The following TTF1 variants were observed in gnomAD, a reference collection of about 807,000 sequenced individuals.
TTF1 encodes transcription termination factor 1, also known as transcription termination factor, RNA polymerase I.
In TTF1, 64 loss-of-function variants were observed where a neutral mutation model predicts 80.2. That is an observed-to-expected ratio of 0.80 (90% CI 0.65 to 0.98). TTF1 has a LOEUF of 0.98. Among genes scored for constraint, TTF1 ranks in the 50% least tolerant of loss-of-function variants. The pLI is 0.00. For synonymous variants in TTF1, 372 were observed against 382.7 expected (o/e 0.97, Z 0.33); for missense variants, 1,023 against 1,086.2 (o/e 0.94, Z 0.82).
intron 5 of TTF1, among the ~76,000 whole-genome samples, chr9:132,395,170 C>T (rs149047993): frequency 8.6e-5 from 13 of 151,520 alleles, no homozygotes; most frequent in East Asian, 1.9e-4. Context: ...CCAGCCTGGG[C>T]GACAGACTGA....
chr9:132,388,966 G>A (rs1849515745), intron 7 of TTF1, among the ~76,000 whole-genome samples: 1 of 152,204 alleles, frequency 6.6e-6, no homozygotes, highest in African/African-American at 2.4e-5. Flanking sequence ...CACGTTTACA[G>A]GGTTGAAATG....
intron 10 of TTF1, among the ~76,000 whole-genome samples, chr9:132,378,054 T>G (rs1849265207): frequency 1.8e-5 from 2 of 112,636 alleles, no homozygotes; most frequent in Non-Finnish European, 1.8e-5. Context: ...TGAATGCATG[T>G]GGTGTGTGAG....
rs924078449 is a variant in TTF1, at chr9:132,390,948, T to C, written c.1988-117A>G. ...GAAAATAATGTGCATCTCAATTATA[T>C]AGACATAAAACAAACACAATTATGT... On this transcript the variant is annotated intron_variant, in intron 6 of 10. Transcript: ENST00000334270. 22 of 888,250 alleles carry C rather than the reference T, an allele frequency of 2.5e-5. No homozygotes were observed. The African/African-American group carries it at 2.5e-4, about 10-fold the overall frequency. 55.0% of individuals were successfully genotyped at this position (888,250 alleles called of 1,614,324 possible).
chr9:132,400,242 C>T lies in TTF1; in HGVS notation c.1384G>A (p.Glu462Lys). The change falls in exon 3 of 11, where the codon GAA (glutamate) becomes AAA (lysine). Residue 462 changes from glutamate (E) to lysine (K), a missense_variant. Glu to Lys is a moderately conservative substitution (Grantham distance 56). Transcript: ENST00000334270. Reference sequence around the variant, plus strand: ...TCAGCTGTTTCCACATTGTGTTCTTCATTTGCAGGTTCTAACCTAAGGGGT... The same window carrying T: ...TCAGCTGTTTCCACATTGTGTTCTTTATTTGCAGGTTCTAACCTAAGGGGT... ...QEAPRLEPAN[E>K]EHNVETAEDS... 6.2e-7 allele frequency: 1 copy of T among 1,614,196 alleles called. No homozygotes were observed. The highest frequency in any genetic ancestry group is 8.5e-7 in the Non-Finnish European group (1 of 1,180,026).
At chr9:132,396,661 GTTTT>G (rs777738859) in intron 4 of TTF1, 150 bp from the exon 5 acceptor site, 19 of 568,096 alleles carry the variant, frequency 3.3e-5, no homozygotes, top group Non-Finnish European at 5.2e-5. Context: ...AAGCTGTCTT[GTTTT>G]TTTTGTTTGT....
chr9:132,379,812 A>G (rs868585757), intron 9 of TTF1, among the ~76,000 whole-genome samples: 1 of 152,220 alleles, frequency 6.6e-6, no homozygotes. Context: ...TTCAATTTAC[A>G]ATAAGTGGGT....
chr9:132,389,774 A>T (rs894426097), intron 7 of TTF1, among the ~76,000 whole-genome samples: 1 of 152,174 alleles, frequency 6.6e-6, no homozygotes, highest in Non-Finnish European at 1.5e-5. Context: ...CAGGTCTTGG[A>T]AAAGCTATAT....
chr9:132,378,097 A>T (rs1212130083), intron 10 of TTF1, among the ~76,000 whole-genome samples: 12 of 46,270 alleles, frequency 2.6e-4, no homozygotes, highest in African/African-American at 5.6e-4. Context: ...ATGTGGTGTG[A>T]GTGCATGTGG....
chr9:132,400,380 A>G, intron 2 of TTF1, 122 bp from the exon 3 acceptor site: 1 of 756,090 alleles, frequency 1.3e-6, no homozygotes, highest in South Asian at 1.7e-5. Context: ...CTGGAGTGCA[A>G]TGGTGCGATC....
At position 132,402,032 on chromosome 9, in the gene TTF1, G is replaced by A. The variant is rs768573995; in HGVS notation, c.790C>T (p.Pro264Ser). The change falls in exon 2 of 11, where the codon CCA (proline) becomes TCA (serine). Residue 264 changes from proline (P) to serine (S), a missense_variant. Coordinates refer to ENST00000334270, the MANE Select transcript of TTF1 (RefSeq NM_007344.4). ...TTGTGAGTAGGTCCTAGTAGTTGTG[G>A]AGTTTCATCATCCAAGCCCACAGTA... ...QPTVGLDDET[P>S]QLLGPTHKKK... The A allele has an allele frequency of 3.7e-6, 6 of 1,612,718 alleles. No individual in the cohort carries two copies. In the East Asian group the frequency reaches 1.1e-4, roughly 30 times the overall value.
chr9:132,391,742 T>C (rs1047274628), intron 6 of TTF1, among the ~76,000 whole-genome samples: 12 of 152,148 alleles, frequency 7.9e-5, no homozygotes, highest in African/African-American at 2.9e-4. Context: ...CGTGCCTGCC[T>C]CCCTCCCAAC....
chr9:132,397,238 C>T (rs879848016), intron 4 of TTF1, among the ~76,000 whole-genome samples: 3 of 152,174 alleles, frequency 2.0e-5, no homozygotes, highest in Non-Finnish European at 1.5e-5. Flanking sequence ...TAACAGTTTT[C>T]CAGAAGATGA....
chr9:132,397,611 A>G (rs1361164087), intron 4 of TTF1, among the ~76,000 whole-genome samples: 1 of 152,230 alleles, frequency 6.6e-6, no homozygotes, highest in Admixed American at 6.5e-5. Context: ...AAGAAAGGTA[A>G]AAGTTGATCA....
chr9:132,397,676 G>A (rs1257104158), intron 4 of TTF1, among the ~76,000 whole-genome samples: 1 of 152,164 alleles, frequency 6.6e-6, no homozygotes, highest in African/African-American at 2.4e-5. Flanking sequence ...ATCCCAGAAA[G>A]TACAGACTGG....
Position 132,378,612 on chromosome 9 carries a change from G to GGTATGAGTGCATGTGGTGT in TTF1, c.2464+446_2464+447insACACCACATGCACTCATAC, listed in dbSNP as rs1849303298. On this transcript the variant is annotated intron_variant, in intron 10 of 10. Coordinates refer to ENST00000334270, the MANE Select transcript of TTF1 (RefSeq NM_007344.4). Reference sequence around the variant, plus strand: ...GAATGCATGTGGTGTGAGTGCATGTGGTGTGAGTGCATGTGGTTGGTGTGA... The same window carrying GGTATGAGTGCATGTGGTGT: ...GAATGCATGTGGTGTGAGTGCATGTGGTATGAGTGCATGTGGTGTGTGTGAGTGCATGTGGTTGGTGTGA... Among the ~76,000 whole-genome samples the GGTATGAGTGCATGTGGTGT allele has an allele frequency of 2.3e-5, 3 of 132,888 alleles. No individual in the cohort carries two copies. In the South Asian group the frequency reaches 7.4e-4, roughly 33 times the overall value. The allele number at this position is 132,888 out of a possible 152,430, so 87.2% of individuals were successfully genotyped here.
Position 132,376,034 on chromosome 9 carries a change from A to C in TTF1, c.2599T>G (p.Tyr867Asp). ...KQVFPFRDIF[Y>D]YEDDSEGEDI... ...TCTCCTTCACTATCGTCTTCATAAT[A>C]AAAGATGTCTCGAAATGGGAAAACT... Residue 867 changes from tyrosine (Y) to aspartate (D), a missense_variant, in exon 11 of 11, where the codon TAT becomes GAT. Coordinates refer to ENST00000334270, the MANE Select transcript of TTF1 (RefSeq NM_007344.4). The C allele has an allele frequency of 6.2e-7, 1 of 1,614,202 alleles. No homozygotes were observed. The highest frequency in any genetic ancestry group is 8.5e-7 in the Non-Finnish European group (1 of 1,180,028).
At chr9:132,390,203 C>T (rs1213034865) in intron 7 of TTF1, among the ~76,000 whole-genome samples, 1 of 152,182 alleles carries the variant, frequency 6.6e-6, no homozygotes, top group African/African-American at 2.4e-5. Context: ...TGGTCTTGAA[C>T]TCCTGCCCTC....
chr9:132,393,633 C>T (rs1849598641), intron 5 of TTF1, among the ~76,000 whole-genome samples: 1 of 152,244 alleles, frequency 6.6e-6, no homozygotes, highest in Non-Finnish European at 1.5e-5. Flanking sequence ...GCTCTTAGCT[C>T]TGAAGGCTGT....
intron 10 of TTF1, among the ~76,000 whole-genome samples, chr9:132,377,368 C>G (rs1377567742): frequency 1.7e-5 from 2 of 117,430 alleles, no homozygotes; most frequent in African/African-American, 3.5e-5. Context: ...TGTGTGAGTG[C>G]ATGTGGTGTG....
Sources: allele counts gnomAD v4.1 joint callset (sites outside exome capture counted in the v4.1 genomes callset), GRCh38; gene constraint gnomAD v4.1.1; transcripts MANE v1.5; gene names NCBI Gene and HGNC (gene_info 2026-07-23, HGNC 2026-07-21).